The following UBAC2 variants were observed in gnomAD, a reference collection of about 807,000 sequenced individuals.
UBAC2 encodes the protein ubiquitin-associated domain-containing protein 2.
UBAC2 carries 26 observed loss-of-function variants against 44.0 expected under a neutral mutation model. That is an observed-to-expected ratio of 0.59 (90% CI 0.43 to 0.82). The LOEUF (loss-of-function observed/expected upper bound fraction) is 0.82, where lower values mean the gene tolerates loss of function less well. UBAC2 is among the 40% of genes least tolerant of loss of function. The pLI is 0.00. For synonymous variants in UBAC2, 155 were observed against 154.3 expected, an observed-to-expected ratio of 1.00 and a Z score of -0.04; for missense variants, 329 against 419.4, an observed-to-expected ratio of 0.78 and a Z score of 1.88.
rs193070535 is a variant in UBAC2, at chr13:99,311,223, A to C, written c.390-2874A>C. ...TTAAGATAGATAGGCAGTGATGAGA[A>C]GGCTGTAAGTGCTGTGGGGGAGGAC... On this transcript the variant is annotated intron_variant, in intron 4 of 8. Transcript: ENST00000403766. Among the ~76,000 whole-genome samples the C allele has an allele frequency of 5.2e-3, 787 of 152,316 alleles. 6 individuals carry two copies. The highest frequency in any genetic ancestry group is 0.017 in the African/African-American group (706 of 41,558).
chr13:99,205,501 A>T lies in UBAC2; in HGVS notation c.31+4562A>T, dbSNP rs142202138. On this transcript the variant is annotated intron_variant, in intron 1 of 8. Coordinates refer to ENST00000403766, the MANE Select transcript of UBAC2 (RefSeq NM_001144072.2). ...TCCTGGGTCTCCTCCCCAGAGGGTC[A>T]GATTCAGAAGAGCTAGCATGAGTGT... 9.3e-4 allele frequency among the ~76,000 whole-genome samples: 141 copies of T among 152,330 alleles called. 1 individual carries two copies. The highest frequency in any genetic ancestry group is 3.2e-3 in the African/African-American group (133 of 41,572).
intron 1 of UBAC2, among the ~76,000 whole-genome samples, chr13:99,212,294 AGG>A (rs1403020462): frequency 6.6e-6 from 1 of 152,246 alleles, no homozygotes; most frequent in Non-Finnish European, 1.5e-5. Flanking sequence ...TGGTACTATG[AGG>A]AGCTCCTGAA....
At chr13:99,311,855 A>G (rs2044415003) in intron 4 of UBAC2, among the ~76,000 whole-genome samples, 1 of 152,236 alleles carries the variant, frequency 6.6e-6, no homozygotes, top group Non-Finnish European at 1.5e-5. Flanking sequence ...GCCTGGGAAG[A>G]AGGACTGATA....
At chr13:99,311,055 A>G (rs2044405547) in intron 4 of UBAC2, among the ~76,000 whole-genome samples, 2 of 152,340 alleles carry the variant, frequency 1.3e-5, no homozygotes, top group Admixed American at 6.5e-5. Context: ...GTTCTGCTGT[A>G]TGGTTTTACT....
At chr13:99,339,213 GTTAT>G (rs1248294165) in intron 6 of UBAC2, among the ~76,000 whole-genome samples, 1 of 152,122 alleles carries the variant, frequency 6.6e-6, no homozygotes, top group East Asian at 1.9e-4. Context: ...TGCCCAAAAT[GTTAT>G]TTCCCCAGTT....
chr13:99,365,554 G>A (rs898785741), intron 7 of UBAC2, among the ~76,000 whole-genome samples: 1 of 151,942 alleles, frequency 6.6e-6, no homozygotes, highest in African/African-American at 2.4e-5. Context: ...GTTTCCAAAT[G>A]TGTGAGGTTT....
rs3031439 is a variant in UBAC2 at position 99,347,319 on chromosome 13, GCCCC to G, written c.807+6766_807+6769del. Among the ~76,000 whole-genome samples the G allele has an allele frequency of 6.8e-4, 14 of 20,552 alleles. 2 individuals carry two copies. Among genetic ancestry groups the G allele is most frequent in the African/African-American group, 9.8e-4 (8 of 8,202 alleles). The allele number at this position is 20,552 out of a possible 152,430, so 13.5% of individuals were successfully genotyped here. On this transcript the variant is annotated intron_variant, in intron 7 of 8. Transcript: ENST00000403766. ...GATTCAGACGTTACTATCCCCGGGC[GCCCC>G]CCCCCCCCCCCAGGAAAAAAAAGGC...
intron 1 of UBAC2, among the ~76,000 whole-genome samples, chr13:99,210,496 A>C (rs1360924536): frequency 7.3e-4 from 63 of 86,052 alleles, no homozygotes; most frequent in South Asian, 3.5e-3. Context: ...TTTTTTTTTG[A>C]GATGGAGTTT....
At chr13:99,316,931 C>T (rs1028308614) in intron 5 of UBAC2, among the ~76,000 whole-genome samples, 1 of 152,186 alleles carries the variant, frequency 6.6e-6, no homozygotes, top group Non-Finnish European at 1.5e-5. Flanking sequence ...GTTATTCTTT[C>T]TATTTTTAGA....
intron 4 of UBAC2, chr13:99,254,916 A>C (rs1173498773): frequency 6.2e-7 from 1 of 1,614,106 alleles, no homozygotes. Context: ...GTGACCGTAG[A>C]CTACCAGATC....
At chr13:99,376,462 T>G (rs777549445) in intron 8 of UBAC2, among the ~76,000 whole-genome samples, 13 of 152,162 alleles carry the variant, frequency 8.5e-5, no homozygotes, top group Middle Eastern at 3.4e-3. Flanking sequence ...ACCTCCAGAG[T>G]GGGTCTTCAT....
chr13:99,253,722 C>T (rs1254394676), intron 4 of UBAC2, among the ~76,000 whole-genome samples: 1 of 152,152 alleles, frequency 6.6e-6, no homozygotes, highest in African/African-American at 2.4e-5. Context: ...CCATATTGGC[C>T]AGGCTGGTCT....
chr13:99,220,747 C>T (rs2043044313), intron 1 of UBAC2, among the ~76,000 whole-genome samples: 1 of 152,130 alleles, frequency 6.6e-6, no homozygotes, highest in Admixed American at 6.5e-5. Context: ...CACTTCCTGG[C>T]TCTGCTCACA....
intron 1 of UBAC2, among the ~76,000 whole-genome samples, chr13:99,219,375 C>T (rs1020056774): frequency 6.6e-6 from 1 of 152,178 alleles, no homozygotes; most frequent in African/African-American, 2.4e-5. Context: ...AAAATGTTCA[C>T]TTATTGACTT....
At chr13:99,208,877 T>C (rs887692377) in intron 1 of UBAC2, among the ~76,000 whole-genome samples, 3 of 152,256 alleles carry the variant, frequency 2.0e-5, no homozygotes, top group Non-Finnish European at 2.9e-5. Context: ...TTTTGCCTCC[T>C]TGACCTGGGG....
At chr13:99,259,119 G>T (rs1026837431) in intron 4 of UBAC2, among the ~76,000 whole-genome samples, 1 of 152,080 alleles carries the variant, frequency 6.6e-6, no homozygotes, top group Admixed American at 6.5e-5. Context: ...ACCTAAGAAG[G>T]GAAATGAAAC....
intron 5 of UBAC2, 43 bp downstream of exon 5, chr13:99,314,263 T>A: frequency 3.4e-5 from 12 of 353,430 alleles, no homozygotes; most frequent in Middle Eastern, 8.2e-4. Flanking sequence ...TAACCAGATC[T>A]TTTTTTTTTT....
At chr13:99,258,209 C>G (rs1415946012) in intron 4 of UBAC2, 1 of 152,252 alleles carries the variant, frequency 6.6e-6, no homozygotes, top group African/African-American at 2.4e-5. Context: ...ACTTCCACTT[C>G]TGTCGAAGGG....
intron 6 of UBAC2, among the ~76,000 whole-genome samples, chr13:99,323,554 GC>G (rs1338764863): frequency 6.6e-6 from 1 of 152,240 alleles, no homozygotes; most frequent in African/African-American, 2.4e-5. Flanking sequence ...TTCTTAAGAA[GC>G]ATCCAAATTT....
Sources: allele counts gnomAD v4.1 joint callset (sites outside exome capture counted in the v4.1 genomes callset), GRCh38; gene constraint gnomAD v4.1.1; transcripts MANE v1.5; gene names NCBI Gene and HGNC (gene_info 2026-07-23, HGNC 2026-07-21).